The following TPRG1 variants were observed in gnomAD, a reference collection of about 807,000 sequenced individuals.
TPRG1 encodes the protein tumor protein p63-regulated gene 1 protein.
Under a neutral mutation model 29.3 loss-of-function variants are expected in TPRG1, and 29 were observed. The ratio of observed to expected loss-of-function variants is 0.99; its 90% CI spans 0.74 to 1.35. The LOEUF is 1.35. TPRG1 is among the 40% of genes most tolerant of loss of function. The pLI, the probability that TPRG1 is intolerant of heterozygous loss-of-function variation, is 0.00. For missense variants in TPRG1, 327 were observed against 335.0 expected (o/e 0.98, Z 0.19); for synonymous variants, 130 against 116.8 (o/e 1.11, Z -0.73).
chr3:189,174,042 T>A (rs1389432555), intron 1 of TPRG1, among the ~76,000 whole-genome samples: 1 of 152,226 alleles, frequency 6.6e-6, no homozygotes, highest in African/African-American at 2.4e-5. Context: ...TTCTTCAGCC[T>A]GTCTGGATTT....
At chr3:189,026,376 A>T (rs1375423043) in intron 4 of TPRG1, among the ~76,000 whole-genome samples, 1 of 151,966 alleles carries the variant, frequency 6.6e-6, no homozygotes, top group Non-Finnish European at 1.5e-5. Flanking sequence ...TTAACCTTAG[A>T]CCTCTTTAAA....
intron 4 of TPRG1, among the ~76,000 whole-genome samples, chr3:189,089,150 T>C (rs1261648351): frequency 6.6e-6 from 1 of 152,200 alleles, no homozygotes; most frequent in Non-Finnish European, 1.5e-5. Flanking sequence ...ATCAGGATTT[T>C]CTACTGTTAC....
At chr3:189,066,134 C>A (rs1288954191) in intron 4 of TPRG1, among the ~76,000 whole-genome samples, 1 of 152,026 alleles carries the variant, frequency 6.6e-6, no homozygotes, top group Non-Finnish European at 1.5e-5. Flanking sequence ...AAATGCAAAA[C>A]CTGAATAGAT....
At chr3:189,108,899 T>A (rs1438927718) in intron 1 of TPRG1, among the ~76,000 whole-genome samples, 3 of 152,010 alleles carry the variant, frequency 2.0e-5, no homozygotes, top group Non-Finnish European at 4.4e-5. Context: ...CATCTTGCTT[T>A]GCTCTCCTGC....
At chr3:189,171,461 C>T (rs1017717852), upstream of TPRG1, among the ~76,000 whole-genome samples, 4 of 152,118 alleles carry the variant, frequency 2.6e-5, no homozygotes, top group Non-Finnish European at 4.4e-5. Flanking sequence ...CTCAAGGGGC[C>T]CCCCATCTAG....
At chr3:189,223,782 T>C (rs968807144) in intron 3 of TPRG1, among the ~76,000 whole-genome samples, 1 of 152,256 alleles carries the variant, frequency 6.6e-6, no homozygotes, top group Non-Finnish European at 1.5e-5. Context: ...ATTTCAATGA[T>C]TGCATTACTT....
At chr3:189,219,767 TC>T in intron 3 of TPRG1, 1 of 1,103,746 alleles carries the variant, frequency 9.1e-7, no homozygotes, top group Non-Finnish European at 1.1e-6. Context: ...CGATTGTTGT[TC>T]TTAATTCTTC....
At chr3:189,278,464 A>C (rs1716539298) in intron 4 of TPRG1, among the ~76,000 whole-genome samples, 1 of 152,214 alleles carries the variant, frequency 6.6e-6, no homozygotes, top group Non-Finnish European at 1.5e-5. Flanking sequence ...AACCAGACCC[A>C]TAATGTCCCT....
At chr3:189,256,512 C>G (rs555968141) in intron 4 of TPRG1, among the ~76,000 whole-genome samples, 3 of 152,184 alleles carry the variant, frequency 2.0e-5, no homozygotes, top group East Asian at 3.9e-4. Context: ...CTGTAGATGT[C>G]TATTAGGTCT....
intron 4 of TPRG1, among the ~76,000 whole-genome samples, chr3:189,275,658 T>TA (rs753041196): frequency 2.0e-5 from 3 of 152,046 alleles, no homozygotes; most frequent in Non-Finnish European, 4.4e-5. Flanking sequence ...GTGGATGTGA[T>TA]AAAGTTAGAG....
chr3:189,246,727 C>A (rs1741434474), intron 4 of TPRG1, among the ~76,000 whole-genome samples: 1 of 151,966 alleles, frequency 6.6e-6, no homozygotes, highest in African/African-American at 2.4e-5. Flanking sequence ...TTTATTTAGT[C>A]TTAATTCTTG....
At chr3:189,136,302 T>A (rs114749239) in intron 3 of TPRG1, among the ~76,000 whole-genome samples, 1,719 of 152,258 alleles carry the variant, frequency 0.011, 12 homozygotes, top group Middle Eastern at 0.02. Flanking sequence ...ATATCAGTAG[T>A]AATTACTGAT....
At chr3:189,141,030 C>A (rs949045194) in intron 3 of TPRG1, among the ~76,000 whole-genome samples, 4 of 152,190 alleles carry the variant, frequency 2.6e-5, no homozygotes, top group Non-Finnish European at 5.9e-5. Flanking sequence ...ACAAGTACAT[C>A]AAGCTTTATA....
intron 1 of TPRG1, among the ~76,000 whole-genome samples, chr3:189,173,108 C>T (rs939811719): frequency 6.6e-6 from 1 of 152,036 alleles, no homozygotes; most frequent in Non-Finnish European, 1.5e-5. Context: ...TTTTAAGATG[C>T]TAATTTTAGC....
intron 3 of TPRG1, among the ~76,000 whole-genome samples, chr3:189,021,591 C>T (rs1254557): frequency 0.91 from 137,741 of 152,182 alleles, 63,613 homozygotes; most frequent in Non-Finnish European, 1. Context: ...GGGTTTCTGC[C>T]GAGAGATCTG....
rs941862908 is a variant in TPRG1, at chr3:189,084,222, C to A, written c.-462-42835C>A. Among the ~76,000 whole-genome samples the A allele has an allele frequency of 2.0e-5, 3 of 151,892 alleles. No homozygotes were observed. In the South Asian group the frequency reaches 6.2e-4, roughly 32 times the overall value. On this transcript the variant is annotated intron_variant, in intron 4 of 10. Transcript: ENST00000433971. ...ATAGGTGCTCAGTGAATATTGCCAACAATTATTTTATTATAAATTAGATAT... is the reference window on the plus strand; with the variant it reads ...ATAGGTGCTCAGTGAATATTGCCAAAAATTATTTTATTATAAATTAGATAT...
chr3:189,270,186 G>A (rs1165796153), intron 4 of TPRG1, among the ~76,000 whole-genome samples: 38 of 150,298 alleles, frequency 2.5e-4, no homozygotes, highest in African/African-American at 8.8e-4. Context: ...ATAACATGCT[G>A]AAGAGAGAAA....
At chr3:189,023,120 C>T (rs886608717) in intron 3 of TPRG1, among the ~76,000 whole-genome samples, 1 of 152,236 alleles carries the variant, frequency 6.6e-6, no homozygotes, top group African/African-American at 2.4e-5. Context: ...GACCTGCGCC[C>T]ACTGTCTGGC....
chr3:189,147,107 C>T (rs56261881), intron 3 of TPRG1, among the ~76,000 whole-genome samples: 1 of 152,008 alleles, frequency 6.6e-6, no homozygotes, highest in Non-Finnish European at 1.5e-5. Flanking sequence ...ATTTGAACCC[C>T]GGTCTGTTTG....
Sources: allele counts gnomAD v4.1 joint callset (sites outside exome capture counted in the v4.1 genomes callset), GRCh38; gene constraint gnomAD v4.1.1; transcripts MANE v1.5; gene names NCBI Gene and HGNC (gene_info 2026-07-23, HGNC 2026-07-21).